LMNB1: variants seen among roughly 807,000 people sequenced by gnomAD.
LMNB1 encodes the protein lamin B1, also known as lamin-B1.
A neutral mutation model predicts 67.1 loss-of-function variants in LMNB1; 23 were observed. The ratio of observed to expected loss-of-function variants is 0.34; its 90% CI spans 0.25 to 0.49. LMNB1 has a LOEUF of 0.49. Among genes scored for constraint, LMNB1 ranks in the 20% least tolerant of loss-of-function variants. The pLI is 0.99. For synonymous variants in LMNB1, 281 were observed against 282.9 expected (o/e 0.99, Z 0.07); for missense variants, 634 against 746.5 (o/e 0.85, Z 1.76).
At chr5:126,800,972 TA>T (rs1561742491) in intron 1 of LMNB1, among the ~76,000 whole-genome samples, 47 of 71,446 alleles carry the variant, frequency 6.6e-4, no homozygotes, top group African/African-American at 1.6e-3. Flanking sequence ...TATATATATA[TA>T]TATATATAAT....
At chr5:126,781,599 G>C (rs1017789341) in intron 1 of LMNB1, among the ~76,000 whole-genome samples, 1 of 151,980 alleles carries the variant, frequency 6.6e-6, no homozygotes. Context: ...ACCACACCCG[G>C]CTAATTTTGT....
chr5:126,804,720 A>C, intron 1 of LMNB1, 56 bp from the exon 2 acceptor site: 2 of 1,497,284 alleles, frequency 1.3e-6, no homozygotes. Context: ...AGAGAGGGAG[A>C]AGACCTCAAG....
chr5:126,800,982 A>ATATATTTTTTTTTTTTT, intron 1 of LMNB1, among the ~76,000 whole-genome samples: 1 of 18,632 alleles, frequency 5.4e-5, no homozygotes, highest in Admixed American at 9.5e-4. Context: ...TATATATATA[A>ATATATTTTTTTTTTTTT]TTTTTTTTTT....
intron 3 of LMNB1, among the ~76,000 whole-genome samples, chr5:126,809,304 A>C (rs1309462997): frequency 6.6e-6 from 1 of 152,226 alleles, no homozygotes. Flanking sequence ...TGTTAATAAG[A>C]TCCTGTGTCA....
chr5:126,791,391 A>G (rs1750952916), intron 1 of LMNB1, among the ~76,000 whole-genome samples: 1 of 152,028 alleles, frequency 6.6e-6, no homozygotes, highest in African/African-American at 2.4e-5. Context: ...TTTCTCTACT[A>G]AGAGATGTTC....
chr5:126,806,108 C>T (rs960522748), intron 3 of LMNB1, among the ~76,000 whole-genome samples: 13 of 152,110 alleles, frequency 8.5e-5, no homozygotes, highest in Non-Finnish European at 1.6e-4. Context: ...GCGTGCGCCA[C>T]CACGCCCAGC....
intron 1 of LMNB1, among the ~76,000 whole-genome samples, chr5:126,788,164 T>G (rs1056709932): frequency 1.3e-5 from 2 of 152,136 alleles, no homozygotes; most frequent in African/African-American, 4.8e-5. Context: ...ATATTGCTCT[T>G]AACCGAAATT....
chr5:126,823,951 A>G (rs1751929649), intron 8 of LMNB1, among the ~76,000 whole-genome samples: 2 of 152,194 alleles, frequency 1.3e-5, no homozygotes, highest in African/African-American at 4.8e-5. Context: ...AGTTCAGAGG[A>G]TTCAGAATTG....
chr5:126,836,115 G>A, intron 10 of LMNB1, 108 bp from the exon 11 acceptor site: 1 of 765,046 alleles, frequency 1.3e-6, no homozygotes. Context: ...TCCATTTGAG[G>A]TTAGGTAATA....
chr5:126,822,990 A>G, intron 8 of LMNB1, 105 bp downstream of exon 8: 1 of 705,188 alleles, frequency 1.4e-6, no homozygotes, highest in Non-Finnish European at 2.5e-6. Flanking sequence ...AATGGCCGTT[A>G]AAGTACTTTT....
chr5:126,836,565 T>C lies in LMNB1; in HGVS notation c.*301T>C, dbSNP rs960666703. The C allele has an allele frequency of 1.2e-4, 42 of 352,412 alleles. No individual in the cohort carries two copies. The highest frequency in any genetic ancestry group is 1.8e-4 in the Non-Finnish European group (36 of 199,392). 21.8% of individuals were successfully genotyped at this position (352,412 alleles called of 1,614,324 possible). A position where few individuals can be genotyped will look rare whatever the true frequency, so the allele number is the denominator to read the frequency against. On this transcript the variant is annotated 3_prime_UTR_variant, in exon 11 of 11. Transcript: ENST00000261366. ...TGTGTGTTTTTTCTTTTTTTTTAAGTTCTTATGAGGAGGGGAGGGTAAATA... is the reference window on the plus strand; with the variant it reads ...TGTGTGTTTTTTCTTTTTTTTTAAGCTCTTATGAGGAGGGGAGGGTAAATA...
intron 1 of LMNB1, among the ~76,000 whole-genome samples, chr5:126,789,705 G>T (rs947550957): frequency 1.1e-4 from 16 of 151,986 alleles, no homozygotes; most frequent in Admixed American, 1.0e-3. Context: ...GACGAGACTT[G>T]CTGTGTCTTC....
At chr5:126,804,689 T>A (rs1751372375) in intron 1 of LMNB1, 87 bp from the exon 2 acceptor site, 5 of 1,236,608 alleles carry the variant, frequency 4.0e-6, no homozygotes, top group South Asian at 3.2e-5. Flanking sequence ...TTAAACTACT[T>A]CTTTTGTTTG....
intron 1 of LMNB1, among the ~76,000 whole-genome samples, chr5:126,790,455 C>T (rs1278826488): frequency 6.6e-6 from 1 of 152,054 alleles, no homozygotes; most frequent in Non-Finnish European, 1.5e-5. Context: ...TCAGAAGCAA[C>T]ATATGTTATA....
intron 1 of LMNB1, among the ~76,000 whole-genome samples, chr5:126,786,112 CTTTTT>C (rs70997312): frequency 2.8e-5 from 3 of 106,658 alleles, no homozygotes; most frequent in African/African-American, 3.4e-5. Context: ...CAGACATTAT[CTTTTT>C]TTTTTTTTTT....
chr5:126,804,641 T>C, intron 1 of LMNB1, 135 bp from the exon 2 acceptor site: 1 of 678,708 alleles, frequency 1.5e-6, no homozygotes, highest in Non-Finnish European at 2.4e-6. Flanking sequence ...TGCTTGTGAA[T>C]TGCTTCTCTA....
intron 1 of LMNB1, among the ~76,000 whole-genome samples, chr5:126,798,654 GATATTTTAC>G (rs906338786): frequency 6.6e-6 from 1 of 152,004 alleles, no homozygotes; most frequent in Non-Finnish European, 1.5e-5. Context: ...GAAGAGACAT[GATATTTTAC>G]ATAGGATGAA....
intron 1 of LMNB1, among the ~76,000 whole-genome samples, chr5:126,780,166 G>C (rs1296705538): frequency 6.6e-6 from 1 of 152,078 alleles, no homozygotes; most frequent in Non-Finnish European, 1.5e-5. Context: ...ACTCCAGCCT[G>C]GGTGACAGAG....
At chr5:126,782,428 G>A (rs1750654349) in intron 1 of LMNB1, among the ~76,000 whole-genome samples, 1 of 152,264 alleles carries the variant, frequency 6.6e-6, no homozygotes, top group Non-Finnish European at 1.5e-5. Context: ...GTCATGGCAA[G>A]TGGAGAAAGA....
Sources: gnomAD v4.1 joint callset for allele counts (sites outside exome capture counted in the v4.1 genomes callset) on GRCh38, gnomAD v4.1.1 for gene constraint, MANE v1.5 for transcripts, NCBI Gene and HGNC (gene_info 2026-07-23, HGNC 2026-07-21) for gene names.